The following DCC variants were observed in gnomAD, a reference collection of about 807,000 sequenced individuals.
The protein encoded by DCC is netrin receptor DCC.
Under a neutral mutation model 172.5 loss-of-function variants are expected in DCC, and 58 were observed. The observed-to-expected ratio is 0.34, with a 90% confidence interval of 0.27 to 0.42. DCC has a LOEUF of 0.42. Ranked by LOEUF, DCC falls within the 10% of genes least tolerant of loss-of-function variation. DCC has a pLI of 1.00. For missense variants in DCC, 1,740 were observed against 1,791.0 expected, an observed-to-expected ratio of 0.97 and a Z score of 0.51; for synonymous variants, 709 against 644.5, an observed-to-expected ratio of 1.10 and a Z score of -1.52.
chr18:52,854,831 T>C (rs924806248), intron 2 of DCC, among the ~76,000 whole-genome samples: 3 of 152,146 alleles, frequency 2.0e-5, no homozygotes, highest in Admixed American at 6.5e-5. Context: ...CACTGACCCA[T>C]TAACATTGGG....
At chr18:52,559,818 G>A (rs1286750293) in intron 1 of DCC, among the ~76,000 whole-genome samples, 1 of 152,108 alleles carries the variant, frequency 6.6e-6, no homozygotes. Flanking sequence ...TTGTGGAGGA[G>A]AGAGAGAGAA....
chr18:52,978,287 A>G (rs911129204), intron 5 of DCC, among the ~76,000 whole-genome samples: 1 of 152,152 alleles, frequency 6.6e-6, no homozygotes, highest in African/African-American at 2.4e-5. Context: ...GGAGAGAGGC[A>G]ATGCTAGAGC....
At chr18:52,608,795 G>A (rs1179072500) in intron 1 of DCC, among the ~76,000 whole-genome samples, 1 of 152,160 alleles carries the variant, frequency 6.6e-6, no homozygotes, top group Non-Finnish European at 1.5e-5. Context: ...ATTTGCCTGA[G>A]GGAGTGATAA....
chr18:52,670,566 G>A (rs546617066), intron 1 of DCC, among the ~76,000 whole-genome samples: 43 of 152,274 alleles, frequency 2.8e-4, no homozygotes, highest in South Asian at 1.5e-3. Context: ...CTGGCCAGGC[G>A]TGGTGGCTCA....
At chr18:53,233,214 C>G (rs553189470) in intron 12 of DCC, among the ~76,000 whole-genome samples, 1 of 152,158 alleles carries the variant, frequency 6.6e-6, no homozygotes, top group Non-Finnish European at 1.5e-5. Flanking sequence ...TACATGTTGA[C>G]GTTCTCCCGT....
intron 13 of DCC, 73 bp downstream of exon 13, chr18:53,305,792 C>T: frequency 6.8e-7 from 1 of 1,480,406 alleles, no homozygotes; most frequent in South Asian, 1.1e-5. Context: ...TATAGTCTCA[C>T]TCCAAAGGAA....
chr18:53,089,595 CA>C (rs1179622989), intron 7 of DCC, among the ~76,000 whole-genome samples: 1 of 109,990 alleles, frequency 9.1e-6, no homozygotes, highest in Non-Finnish European at 2.1e-5. Context: ...AACCAAAAAA[CA>C]AAAAACAAAA....
At chr18:52,496,159 C>T (rs2030740857) in intron 1 of DCC, among the ~76,000 whole-genome samples, 2 of 152,002 alleles carry the variant, frequency 1.3e-5, no homozygotes, top group South Asian at 4.1e-4. Flanking sequence ...ATCACGAATC[C>T]CCCCATGGTT....
At chr18:53,303,445 G>A (rs150437413) in intron 12 of DCC, among the ~76,000 whole-genome samples, 4,247 of 152,198 alleles carry the variant, frequency 0.028, 100 homozygotes, top group Middle Eastern at 0.058. Context: ...TATGCTAAGG[G>A]CCTTCTTTGA....
chr18:53,301,000 T>TTTCTTTCTTTCTTTCTTTCC (rs1413588962), intron 12 of DCC, among the ~76,000 whole-genome samples: 4 of 103,068 alleles, frequency 3.9e-5, no homozygotes, highest in Admixed American at 1.1e-4. Flanking sequence ...TTTTTTTTTC[T>TTTCTTTCTTTCTTTCTTTCC]TTTCTTTCTT....
At position 53,303,730 on chromosome 18, in the gene DCC, T is replaced by G. The variant is rs368323508; in HGVS notation, c.1912-1848T>G. On this transcript the variant is annotated intron_variant, in intron 12 of 28. Transcript: ENST00000442544. ...ACAGTAGCATCTAGGGGTTGCTGTCTGTGACTCCCAAATCCCCAGTGAGTG... is the reference window on the plus strand; with the variant it reads ...ACAGTAGCATCTAGGGGTTGCTGTCGGTGACTCCCAAATCCCCAGTGAGTG... Among the ~76,000 whole-genome samples the G allele has an allele frequency of 5.9e-5, 9 of 152,280 alleles. No individual in the cohort carries two copies. In the South Asian group the frequency reaches 1.9e-3, roughly 32 times the overall value.
intron 1 of DCC, among the ~76,000 whole-genome samples, chr18:52,534,927 G>T (rs1473031037): frequency 6.6e-6 from 1 of 152,084 alleles, no homozygotes; most frequent in Non-Finnish European, 1.5e-5. Context: ...ACCTTATTAT[G>T]TATAGCTGGA....
At chr18:53,423,731 A>G (rs1910758038) in intron 21 of DCC, among the ~76,000 whole-genome samples, 1 of 152,122 alleles carries the variant, frequency 6.6e-6, no homozygotes, top group African/African-American at 2.4e-5. Flanking sequence ...TTATATTCTT[A>G]GCTTCTTGAC....
chr18:52,636,021 G>A (rs146128995), intron 1 of DCC, among the ~76,000 whole-genome samples: 12 of 152,246 alleles, frequency 7.9e-5, no homozygotes, highest in East Asian at 1.9e-4. Context: ...TACTGTGAGC[G>A]CCCCAACTGC....
At chr18:52,870,077 C>G (rs1014114636) in intron 2 of DCC, among the ~76,000 whole-genome samples, 1 of 152,138 alleles carries the variant, frequency 6.6e-6, no homozygotes, top group African/African-American at 2.4e-5. Flanking sequence ...CTTGGCCTAG[C>G]CCCATCACAG....
intron 12 of DCC, among the ~76,000 whole-genome samples, chr18:53,224,323 G>A (rs1400516456): frequency 6.6e-6 from 1 of 152,072 alleles, no homozygotes; most frequent in Non-Finnish European, 1.5e-5. Flanking sequence ...CAGTAAGGAG[G>A]GAACTATCTT....
chr18:52,403,421 T>C (rs879030806), intron 1 of DCC, among the ~76,000 whole-genome samples: 2 of 151,996 alleles, frequency 1.3e-5, no homozygotes, highest in African/African-American at 4.8e-5. Context: ...CTCTGGGGCT[T>C]CTTGAGGGTC....
intron 1 of DCC, among the ~76,000 whole-genome samples, chr18:52,683,870 A>G (rs1041165085): frequency 1.3e-5 from 2 of 152,150 alleles, no homozygotes; most frequent in East Asian, 1.9e-4. Context: ...TGGTAAAAGC[A>G]CACAGCTCCA....
At chr18:53,411,497 A>G (rs1424203864) in intron 20 of DCC, among the ~76,000 whole-genome samples, 1 of 152,186 alleles carries the variant, frequency 6.6e-6, no homozygotes, top group Non-Finnish European at 1.5e-5. Flanking sequence ...AAATCTTAAT[A>G]CATGATAGTA....
Sources: gnomAD v4.1 joint callset for allele counts (sites outside exome capture counted in the v4.1 genomes callset) on GRCh38, gnomAD v4.1.1 for gene constraint, MANE v1.5 for transcripts, NCBI Gene and HGNC (gene_info 2026-07-23, HGNC 2026-07-21) for gene names.